The following GZMB variants were observed in gnomAD, a reference collection of about 807,000 sequenced individuals.
GZMB encodes T-cell serine protease 1-3E.
In GZMB, 27 loss-of-function variants were observed where a neutral mutation model predicts 24.2. The ratio of observed to expected loss-of-function variants is 1.12; its 90% CI spans 0.82 to 1.54. The LOEUF (loss-of-function observed/expected upper bound fraction) is 1.54. Among genes scored for constraint, GZMB ranks in the 40% most tolerant of loss-of-function variants. The probability of loss-of-function intolerance (pLI) is 0.00; values close to 1 mark genes in which losing one functional copy is unlikely to be tolerated. For synonymous variants in GZMB, 121 were observed against 115.1 expected, an observed-to-expected ratio of 1.05 and a Z score of -0.33; for missense variants, 336 against 310.1, an observed-to-expected ratio of 1.08 and a Z score of -0.63.
intron 1 of GZMB, 99 bp downstream of exon 1, chr14:24,634,007 C>T (rs984723854): frequency 1.8e-6 from 2 of 1,092,540 alleles, no homozygotes; most frequent in African/African-American, 1.6e-5. Context: ...AGCTGGAGTT[C>T]AGAACATTCC....
At position 24,632,009 on chromosome 14, in the gene GZMB, G is replaced by A. The variant is rs1402764529; in HGVS notation, c.449C>T (p.Thr150Met). ...QTCSVAGWGQ[T>M]APLGKHSHTL... Reference sequence around the variant, plus strand: ...GTGTGAGTGTTTTCCCAGGGGGGCCGTCTGCCCCCAGCCGGCCACACTGCA... The same window carrying A: ...GTGTGAGTGTTTTCCCAGGGGGGCCATCTGCCCCCAGCCGGCCACACTGCA... Residue 150 changes from threonine to methionine, a missense_variant, in exon 4 of 5, where the codon ACG becomes ATG. Physicochemically the swap from Thr to Met is moderately conservative, Grantham distance 81. Coordinates refer to ENST00000216341, the MANE Select transcript of GZMB (RefSeq NM_004131.6). The A allele has an allele frequency of 1.2e-5, 20 of 1,614,040 alleles. No homozygotes were observed. The highest frequency in any genetic ancestry group is 5.3e-5 in the African/African-American group (4 of 74,930).
At position 24,633,052 on chromosome 14, in the gene GZMB, G is replaced by A. The variant is rs139103546; in HGVS notation, c.66C>T (p.Ile22=). 15 of 1,608,404 alleles carry A rather than the reference G, an allele frequency of 9.3e-6. No individual in the cohort carries two copies. Among genetic ancestry groups the A allele is most frequent in the South Asian group, 1.1e-5 (1 of 90,404 alleles). The change falls in exon 2 of 5, where the codon ATC becomes ATT. Residue 22 remains isoleucine, a synonymous_variant. Coordinates refer to ENST00000216341, the MANE Select transcript of GZMB (RefSeq NM_004131.6). ...LLPRADAGEI[I]GGHEAKPHSR... The stretch of plus-strand genomic sequence containing the variant: ...AGTGGGGCTTGGCCTCATGTCCCCC[G>A]ATGATCTCCCCTGAAGGAAAAGTCT...
intron 1 of GZMB, 118 bp from the exon 2 acceptor site, chr14:24,633,180 G>T: frequency 6.8e-7 from 1 of 1,469,500 alleles, no homozygotes; most frequent in Non-Finnish European, 9.0e-7. Context: ...AGTTGGGAGT[G>T]GCCTGGAGGA....
chr14:24,631,460 C>A (rs1199813219), intron 4 of GZMB: 1 of 559,418 alleles, frequency 1.8e-6, no homozygotes, highest in Non-Finnish European at 3.2e-6. Flanking sequence ...GTATGTGGGA[C>A]CGTTGGCTGT....
chr14:24,632,491 G>C, intron 2 of GZMB, 32 bp from the exon 3 acceptor site: 1 of 1,613,848 alleles, frequency 6.2e-7, no homozygotes, highest in Non-Finnish European at 8.5e-7. Flanking sequence ...GATGGGGGTG[G>C]AGTCACAGGG....
At chr14:24,632,486 G>A in intron 2 of GZMB, 27 bp from the exon 3 acceptor site, 1 of 1,613,856 alleles carries the variant, frequency 6.2e-7, no homozygotes, top group Non-Finnish European at 8.5e-7. Context: ...GTGAGGATGG[G>A]GGTGGAGTCA....
At chr14:24,632,503 A>G in intron 2 of GZMB, 44 bp from the exon 3 acceptor site, 1 of 1,613,676 alleles carries the variant, frequency 6.2e-7, no homozygotes. Context: ...GTCACAGGGT[A>G]TACAGCCCAG....
In GZMB at chr14:24,631,014, G is replaced by C; in HGVS notation, c.*57C>G. On this transcript the variant is annotated 3_prime_UTR_variant, in exon 5 of 5. Transcript: ENST00000216341. ...TGGCACCTCTCCCAGTGTAAATCTG[G>C]ACTTGGCTCCAGAGAAGGTGTTTCA... 2 of 1,361,888 alleles carry C rather than the reference G, an allele frequency of 1.5e-6. No individual in the cohort carries two copies. The highest frequency in any genetic ancestry group is 1.2e-5 in the South Asian group (1 of 84,550). 84.4% of individuals were successfully genotyped at this position (1,361,888 alleles called of 1,614,324 possible). A position where few individuals can be genotyped will look rare whatever the true frequency, so the allele number is the denominator to read the frequency against.
At position 24,631,911 on chromosome 14, in the gene GZMB, T is replaced by G. The variant is rs750853782; in HGVS notation, c.547A>C (p.Ser183Arg). Reference sequence around the variant, plus strand: ...TCCCCCACGCACAACTCAATGGTACTGTCGTAATAATGGCGTAAGTCAGAT... The same window carrying G: ...TCCCCCACGCACAACTCAATGGTACGGTCGTAATAATGGCGTAAGTCAGAT... The part of the protein sequence containing the change: ...CESDLRHYYD[S>R]TIELCVGDPE... Residue 183 changes from serine to arginine, a missense_variant, in exon 4 of 5, where the codon AGT (serine) becomes CGT (arginine). By Grantham distance (110) the Ser-to-Arg change is moderately radical (BLOSUM62 -1). Coordinates refer to ENST00000216341, the MANE Select transcript of GZMB (RefSeq NM_004131.6). 6.8e-6 allele frequency: 11 copies of G among 1,613,840 alleles called. No homozygotes were observed. Among genetic ancestry groups the G allele is most frequent in the South Asian group, 4.4e-5 (4 of 91,076 alleles).
chr14:24,632,607 T>C (rs2067007677), intron 2 of GZMB, 148 bp from the exon 3 acceptor site: 11 of 1,294,730 alleles, frequency 8.5e-6, no homozygotes, highest in Non-Finnish European at 1.2e-5. Context: ...TTCTGGTAAT[T>C]GCACCAGGTT....
Position 24,633,073 on chromosome 14 carries a change from AG to A in GZMB, c.56-12del, listed in dbSNP as rs1285509515. The A allele has an allele frequency of 1.9e-6, 3 of 1,591,056 alleles. No homozygotes were observed. Among genetic ancestry groups the A allele is most frequent in the Non-Finnish European group, 2.6e-6 (3 of 1,166,300 alleles). ...CCCCGATGATCTCCCCTGAAGGAAA[AG>A]TCTGTCTGCTTGTGGGCACCCATGG... On this transcript the variant is annotated splice_polypyrimidine_tract_variant and intron_variant, in intron 1 of 4. Coordinates refer to ENST00000216341, the MANE Select transcript of GZMB (RefSeq NM_004131.6).
chr14:24,633,134 G>A, intron 1 of GZMB, 72 bp from the exon 2 acceptor site: 1 of 1,513,832 alleles, frequency 6.6e-7, no homozygotes, highest in South Asian at 1.4e-5. Context: ...AGTGGCTCCA[G>A]AACTCCTGGG....
chr14:24,634,185 G>T lies in GZMB; in HGVS notation c.-25C>A, dbSNP rs2067022853. 1.3e-6 allele frequency: 2 copies of T among 1,577,364 alleles called. No individual in the cohort carries two copies. Among genetic ancestry groups the T allele is most frequent in the East Asian group, 4.6e-5 (2 of 43,866 alleles). On this transcript the variant is annotated 5_prime_UTR_variant, in exon 1 of 5. Coordinates refer to ENST00000216341, the MANE Select transcript of GZMB (RefSeq NM_004131.6). ...TCTTCTCAGGAAGGCTGCCCTGGTT[G>T]GAGCTGCTGTTGTTTCCTCCTTGCT... is the stretch of plus-strand genomic sequence containing the variant.
In GZMB at chr14:24,632,113, C is replaced by G; in HGVS notation, c.345G>C (p.Glu115Asp). The G allele has an allele frequency of 1.2e-6, 2 of 1,613,362 alleles. No individual in the cohort carries two copies. Among genetic ancestry groups the G allele is most frequent in the Non-Finnish European group, 1.7e-6 (2 of 1,179,458 alleles). ...FSNDIMLLQL[E>D]RKAKRTRAVQ... The stretch of plus-strand genomic sequence containing the variant: ...CAGCTCTGGTCCGCTTGGCCTTTCT[C>G]TCCAGCTGGTGGGGAAGAGGCAAGA... Residue 115 changes from glutamate (E) to aspartate (D), a missense_variant, in exon 4 of 5, where the codon GAG becomes GAC. Glu to Asp is a conservative substitution (Grantham distance 45). Coordinates refer to ENST00000216341, the MANE Select transcript of GZMB (RefSeq NM_004131.6).
rs2066989386 is a variant in GZMB at position 24,631,006 on chromosome 14, T to C, written c.*65A>G. On this transcript the variant is annotated 3_prime_UTR_variant, in exon 5 of 5. Transcript: ENST00000216341. ...TCAGTTGCTGGCACCTCTCCCAGTG[T>C]AAATCTGGACTTGGCTCCAGAGAAG... The C allele has an allele frequency of 2.4e-6, 3 of 1,275,180 alleles. No homozygotes were observed. In the Admixed American group the frequency reaches 5.2e-5, roughly 22 times the overall value. 79.0% of individuals were successfully genotyped at this position (1,275,180 alleles called of 1,614,324 possible). A position where few individuals can be genotyped will look rare whatever the true frequency, so the allele number is the denominator to read the frequency against.
At chr14:24,632,767 T>C (rs1468306381) in intron 2 of GZMB, 148 bp downstream of exon 2, 9 of 894,022 alleles carry the variant, frequency 1.0e-5, no homozygotes, top group Non-Finnish European at 1.6e-5. Context: ...CCTTCCCCTC[T>C]CTCCACAAAC....
chr14:24,632,913 A>G lies in GZMB; in HGVS notation c.203+2T>C, dbSNP rs1594828908. 6.2e-7 allele frequency: 1 copy of G among 1,608,912 alleles called. No homozygotes were observed. Among genetic ancestry groups the G allele is most frequent in the Non-Finnish European group, 8.5e-7 (1 of 1,177,052 alleles). ...GGGTGTGGGCTGTTTTCTGCTCCTCACCTTCCCCAACAGTGAGCAGCTGTC... is the reference window on the plus strand; with the variant it reads ...GGGTGTGGGCTGTTTTCTGCTCCTCGCCTTCCCCAACAGTGAGCAGCTGTC... On this transcript the variant is annotated splice_donor_variant, in intron 2 of 4. Coordinates refer to ENST00000216341, the MANE Select transcript of GZMB (RefSeq NM_004131.6). LOFTEE classifies it high-confidence loss of function.
chr14:24,634,078 G>A, intron 1 of GZMB, 28 bp downstream of exon 1: 1 of 1,573,682 alleles, frequency 6.4e-7, no homozygotes, highest in Non-Finnish European at 8.6e-7. Flanking sequence ...ATGGGGTTGG[G>A]CCCCCGAGGG....
rs1167934727 is a variant in GZMB, at chr14:24,632,349, A to C, written c.314T>G (p.Phe105Cys). ...IPHPAYNPKN[F>C]SNDIMLLQLE... is the part of the protein sequence containing the mutation. ...CTGCAGTAGCATGATGTCGTTGGAGAAGTTCTTAGGATTATAGGCTGGATG... is the reference window on the plus strand; with the variant it reads ...CTGCAGTAGCATGATGTCGTTGGAGCAGTTCTTAGGATTATAGGCTGGATG... Residue 105 changes from phenylalanine to cysteine, a missense_variant, in exon 3 of 5, where the codon TTC (phenylalanine) becomes TGC (cysteine). Coordinates refer to ENST00000216341, the MANE Select transcript of GZMB (RefSeq NM_004131.6). The C allele has an allele frequency of 6.2e-7, 1 of 1,610,498 alleles. No homozygotes were observed. The highest frequency in any genetic ancestry group is 2.2e-5 in the East Asian group (1 of 44,854).
Sources: allele counts gnomAD v4.1 joint callset, GRCh38; gene constraint gnomAD v4.1.1; transcripts MANE v1.5; gene names NCBI Gene and HGNC (gene_info 2026-07-23, HGNC 2026-07-21).